Variants in CDH8 observed in about 807,000 individuals in gnomAD.
CDH8 encodes cadherin 8, also known as cadherin-8.
A neutral mutation model predicts 68.1 loss-of-function variants in CDH8; 17 were observed. That is an observed-to-expected ratio of 0.25 (90% CI 0.17 to 0.37). CDH8 has a LOEUF of 0.37. CDH8 is among the 10% of genes least tolerant of loss of function. The pLI is 1.00. For missense variants in CDH8, 763 were observed against 999.3 expected (o/e 0.76, Z 3.19); for synonymous variants, 372 against 365.1 (o/e 1.02, Z -0.21).
chr16:61,809,298 TGG>T (rs1961882077), intron 7 of CDH8, among the ~76,000 whole-genome samples: 1 of 152,096 alleles, frequency 6.6e-6, no homozygotes, highest in African/African-American at 2.4e-5. Flanking sequence ...ACTAACGTCA[TGG>T]GGTTTTGTCC....
At chr16:61,987,871 T>A (rs1965654780) in intron 2 of CDH8, among the ~76,000 whole-genome samples, 1 of 152,150 alleles carries the variant, frequency 6.6e-6, no homozygotes, top group African/African-American at 2.4e-5. Flanking sequence ...TTGTATGAAT[T>A]GCCTCATTTA....
intron 8 of CDH8, among the ~76,000 whole-genome samples, chr16:61,757,013 A>T (rs182576651): frequency 2.1e-4 from 32 of 152,358 alleles, no homozygotes; most frequent in Non-Finnish European, 3.8e-4. Context: ...TGCAACAAAG[A>T]AGGGTAGACA....
intron 2 of CDH8, among the ~76,000 whole-genome samples, chr16:61,916,157 T>C (rs989237794): frequency 8.5e-5 from 13 of 152,222 alleles, no homozygotes; most frequent in African/African-American, 2.9e-4. Context: ...TCTATATATT[T>C]GAGATAGACA....
chr16:61,988,155 C>G (rs1965658719), intron 2 of CDH8, among the ~76,000 whole-genome samples: 1 of 152,068 alleles, frequency 6.6e-6, no homozygotes, highest in African/African-American at 2.4e-5. Flanking sequence ...ACTTTCCTAT[C>G]TATAGAAAAT....
At chr16:61,654,634 C>T (rs915245149) in intron 11 of CDH8, among the ~76,000 whole-genome samples, 1 of 152,130 alleles carries the variant, frequency 6.6e-6, no homozygotes, top group South Asian at 2.1e-4. Flanking sequence ...TGGAATGCCT[C>T]TAGCTGGGAA....
At position 61,652,034 on chromosome 16, in the gene CDH8, A is replaced by T. The variant is rs1963333177; in HGVS notation, c.*1574T>A. On this transcript the variant is annotated 3_prime_UTR_variant, in exon 12 of 12. Transcript: ENST00000577390. ...AGGTATTTATAAAAATATATTTCACAAAGTAGGAAACAATACAGGAGTTTC... is the reference window on the plus strand; with the variant it reads ...AGGTATTTATAAAAATATATTTCACTAAGTAGGAAACAATACAGGAGTTTC... 1 of 866,336 alleles carries T rather than the reference A, an allele frequency of 1.2e-6. No homozygotes were observed. The highest frequency in any genetic ancestry group is 1.4e-6 in the Non-Finnish European group (1 of 721,590). The allele number at this position is 866,336 out of a possible 1,614,324, so 53.7% of individuals were successfully genotyped here.
At chr16:61,794,478 T>C (rs1961452475) in intron 7 of CDH8, among the ~76,000 whole-genome samples, 1 of 152,082 alleles carries the variant, frequency 6.6e-6, no homozygotes, top group African/African-American at 2.4e-5. Context: ...ACAAAAGCTC[T>C]GTAAACATGT....
At chr16:61,765,089 T>C (rs1456847779) in intron 8 of CDH8, among the ~76,000 whole-genome samples, 1 of 152,084 alleles carries the variant, frequency 6.6e-6, no homozygotes, top group Non-Finnish European at 1.5e-5. Context: ...ATTCTTCAAA[T>C]AAAATTTTCA....
intron 8 of CDH8, among the ~76,000 whole-genome samples, chr16:61,782,237 G>A (rs1000891663): frequency 5.9e-5 from 9 of 152,264 alleles, no homozygotes; most frequent in African/African-American, 9.6e-5. Flanking sequence ...TGCGCGCACC[G>A]TCCGCGAGCC....
At chr16:61,719,349 G>A (rs762537391) in intron 9 of CDH8, among the ~76,000 whole-genome samples, 1 of 150,986 alleles carries the variant, frequency 6.6e-6, no homozygotes, top group African/African-American at 2.4e-5. Context: ...TTTTTTCAGC[G>A]TTGGGTTTTT....
At chr16:61,676,229 A>AT (rs1291575776) in intron 10 of CDH8, among the ~76,000 whole-genome samples, 1 of 150,886 alleles carries the variant, frequency 6.6e-6, no homozygotes, top group African/African-American at 2.4e-5. Context: ...AAAAGAAAAA[A>AT]ATATATATAA....
chr16:61,881,614 T>C (rs960986622), intron 3 of CDH8, among the ~76,000 whole-genome samples: 1 of 152,228 alleles, frequency 6.6e-6, no homozygotes, highest in Non-Finnish European at 1.5e-5. Context: ...CAGGATAAAC[T>C]ATGACACATA....
intron 10 of CDH8, among the ~76,000 whole-genome samples, chr16:61,681,051 T>C (rs1163704142): frequency 6.6e-6 from 1 of 151,894 alleles, no homozygotes; most frequent in East Asian, 1.9e-4. Context: ...CAGGGAGAAA[T>C]TGGATCACTC....
chr16:61,901,374 T>A lies in CDH8; in HGVS notation c.352A>T (p.Ile118Phe). 1 of 1,613,896 alleles carries A rather than the reference T, an allele frequency of 6.2e-7. No individual in the cohort carries two copies. Among genetic ancestry groups the A allele is most frequent in the Non-Finnish European group, 8.5e-7 (1 of 1,179,802 alleles). The change falls in exon 3 of 12, where the codon ATC (isoleucine) becomes TTC (phenylalanine). Residue 118 changes from isoleucine (I) to phenylalanine (F), a missense_variant. Physicochemically the swap from Ile to Phe is conservative, Grantham distance 21 (BLOSUM62 0). Around this residue, in one of 2 missense-constraint regions of CDH8, gnomAD observed 366 missense variants for 563.1 expected, o/e 0.65. Transcript: ENST00000577390. ...CGGTCAAGTCTTTTTATAGCATGGA[T>A]ATCTCCAGTTACATCATTTATTTGA... Reference protein sequence around the residue: ...IFQINDVTGDIHAIKRLDREE... With the variant: ...IFQINDVTGDFHAIKRLDREE...
intron 2 of CDH8, among the ~76,000 whole-genome samples, chr16:62,018,843 T>C (rs8062295): frequency 2.0e-5 from 3 of 152,224 alleles, no homozygotes; most frequent in South Asian, 2.1e-4. Context: ...CAGAGAAGCA[T>C]GAACGTCTCA....
chr16:61,787,405 C>T (rs1459929709), intron 8 of CDH8, among the ~76,000 whole-genome samples: 1 of 138,542 alleles, frequency 7.2e-6, no homozygotes, highest in African/African-American at 2.9e-5. Context: ...CATCTCATAC[C>T]AGTTAGAATG....
At chr16:61,657,751 C>A (rs895954599) in intron 10 of CDH8, among the ~76,000 whole-genome samples, 1 of 151,992 alleles carries the variant, frequency 6.6e-6, no homozygotes, top group Middle Eastern at 3.2e-3. Context: ...AGGCTATTGT[C>A]TTTTTGTGGT....
In CDH8 at chr16:61,653,866, T is replaced by C. The variant is rs774940101; in HGVS notation, c.2142A>G (p.Pro714=). The C allele has an allele frequency of 2.5e-6, 4 of 1,614,130 alleles. No individual in the cohort carries two copies. The African/African-American group carries it at 5.3e-5, about 22-fold the overall frequency. Reference sequence around the variant, plus strand: ...CATCGACATCAACACCATTTGGAACTGGAGCAAGCCCTTGCCTTGGCATAA... The same window carrying C: ...CATCGACATCAACACCATTTGGAACCGGAGCAAGCCCTTGCCTTGGCATAA... ...LQFMPRQGLA[P]VPNGVDVDEF... The change falls in exon 12 of 12, where the codon CCA becomes CCG. Residue 714 remains proline (P), a synonymous_variant. Coordinates refer to ENST00000577390, the MANE Select transcript of CDH8 (RefSeq NM_001796.5).
At chr16:61,771,136 T>G (rs1960766938) in intron 8 of CDH8, among the ~76,000 whole-genome samples, 1 of 151,938 alleles carries the variant, frequency 6.6e-6, no homozygotes, top group Middle Eastern at 3.2e-3. Flanking sequence ...ACCAATCATT[T>G]TTAATAGGTA....
Sources: allele counts gnomAD v4.1 joint callset (sites outside exome capture counted in the v4.1 genomes callset), GRCh38; gene constraint gnomAD v4.1.1; regional missense constraint gnomAD v4.1.1; transcripts MANE v1.5; gene names NCBI Gene and HGNC (gene_info 2026-07-23, HGNC 2026-07-21).